Variants in MAPK15 observed in about 807,000 individuals in gnomAD.
MAPK15 encodes mitogen-activated protein kinase 15, also known as ERK-7.
In MAPK15, 61 loss-of-function variants were observed where a neutral mutation model predicts 60.8. The ratio of observed to expected loss-of-function variants is 1.00; its 90% confidence interval spans 0.82 to 1.24. MAPK15 has a LOEUF of 1.24. MAPK15 is among the 50% of genes most tolerant of loss of function. The pLI is 0.00. For synonymous variants in MAPK15, 356 were observed against 319.9 expected (o/e 1.11, Z -1.21); for missense variants, 808 against 741.1 (o/e 1.09, Z -1.05).
intron 7 of MAPK15, among the ~76,000 whole-genome samples, chr8:143,719,766 C>T (rs1376301849): frequency 3.9e-5 from 6 of 152,090 alleles, no homozygotes; most frequent in South Asian, 2.1e-4. Context: ...CCAAGGGATT[C>T]GGGTAGCAGG....
At chr8:143,721,459 T>C (rs782572257) in intron 11 of MAPK15, 48 bp downstream of exon 11, 4 of 1,609,978 alleles carry the variant, frequency 2.5e-6, no homozygotes, top group Non-Finnish European at 2.5e-6. Flanking sequence ...CCCGGGCCCC[T>C]TCTGCCTGTG....
chr8:143,716,662 G>A (rs1817823240), intron 1 of MAPK15, among the ~76,000 whole-genome samples: 1 of 152,190 alleles, frequency 6.6e-6, no homozygotes, highest in Non-Finnish European at 1.5e-5. Context: ...CCTGGAGGCA[G>A]GTGACAGCCA....
At position 143,720,960 on chromosome 8, in the gene MAPK15, T is replaced by C. The variant is rs1372669706; in HGVS notation, c.918-40T>C. On this transcript the variant is annotated intron_variant, in intron 9 of 13. Transcript: ENST00000338033. This position sits in a 1 kb window ranked among gnomAD's most constrained non-coding sequence, Gnocchi z 4.6. ...TGCTGTGACGGCTTGAGGGGCTCCCTTGGCCGCAGCCCGGGCCCCACCTCC... is the reference window on the plus strand; with the variant it reads ...TGCTGTGACGGCTTGAGGGGCTCCCCTGGCCGCAGCCCGGGCCCCACCTCC... 1 of 1,585,238 alleles carries C rather than the reference T, an allele frequency of 6.3e-7. No homozygotes were observed. The highest frequency in any genetic ancestry group is 8.6e-7 in the Non-Finnish European group (1 of 1,165,670).
At position 143,718,965 on chromosome 8, in the gene MAPK15, G is replaced by A. The variant is rs547759819; in HGVS notation, c.418-28G>A. 8.2e-5 allele frequency: 131 copies of A among 1,599,790 alleles called. No homozygotes were observed. The East Asian group carries it at 2.6e-3, about 32-fold the overall frequency. The stretch of plus-strand genomic sequence containing the variant: ...CCGGCTCCCGGCCCCACCCAGCCCC[G>A]GGGCCTCAGCCTGCCTCCTCTCTGC... On this transcript the variant is annotated intron_variant, in intron 5 of 13. Transcript: ENST00000338033.
chr8:143,721,174 A>T (rs1554619703), intron 10 of MAPK15, 57 bp from the exon 11 acceptor site: 4 of 1,589,684 alleles, frequency 2.5e-6, no homozygotes, highest in Admixed American at 1.7e-5. Context: ...TATGTCAGAG[A>T]CCCCCAAACG....
At chr8:143,722,035 CCT>C (rs782041512) in intron 13 of MAPK15, 38 bp from the exon 14 acceptor site, 1 of 1,587,788 alleles carries the variant, frequency 6.3e-7, no homozygotes, top group South Asian at 1.1e-5. Context: ...CACTGCACCC[CCT>C]CTGATGGCCC....
Position 143,720,785 on chromosome 8 carries a change from G to C in MAPK15, c.862G>C (p.Ala288Pro). The C allele has an allele frequency of 6.2e-7, 1 of 1,613,648 alleles. No individual in the cohort carries two copies. Residue 288 changes from alanine (A) to proline (P), a missense_variant, in exon 9 of 14, where the codon GCC becomes CCC. Physicochemically the swap from Ala to Pro is conservative, Grantham distance 27 (BLOSUM62 -1). Coordinates refer to ENST00000338033, the MANE Select transcript of MAPK15 (RefSeq NM_139021.3). The surrounding 1 kb of genome is among the most constrained non-coding windows in gnomAD (Gnocchi z 4.6). ...LDLLRRLLVF[A>P]PDKRLSATQA... Reference sequence around the variant, plus strand: ...CCTCCTTAGGCGACTCCTGGTGTTCGCCCCGGACAAGCGGTTAAGCGCGAC... The same window carrying C: ...CCTCCTTAGGCGACTCCTGGTGTTCCCCCCGGACAAGCGGTTAAGCGCGAC...
In MAPK15 at chr8:143,718,779, T is replaced by A. The variant is rs782161113; in HGVS notation, c.291T>A (p.Thr97=). ...CAGTGCGCACCCTCTCTGCAGACAC[T>A]GACCTGAACGCAGTCATCCGGAAGG... ...DIYLVFEFMD[T]DLNAVIRKGG... is the part of the protein sequence containing the mutation. The change falls in exon 5 of 14, where the codon ACT becomes ACA. Residue 97 remains threonine, a synonymous_variant. Transcript: ENST00000338033. The A allele has an allele frequency of 2.4e-5, 30 of 1,268,970 alleles. No homozygotes were observed. The Admixed American group carries it at 6.5e-4, about 27-fold the overall frequency. The allele number at this position is 1,268,970 out of a possible 1,614,324, so 78.6% of individuals were successfully genotyped here.
Position 143,721,867 on chromosome 8 carries a change from C to T in MAPK15, c.1445C>T (p.Ala482Val), listed in dbSNP as rs782577773. Residue 482 changes from alanine (A) to valine (V), a missense_variant, in exon 13 of 14, where the codon GCC (alanine) becomes GTC (valine). Coordinates refer to ENST00000338033, the MANE Select transcript of MAPK15 (RefSeq NM_139021.3). ...DWNRGGGVRV[A>V]SVQQVPPRLP... ...AACCGGGGCGGTGGGGTGAGGGTGGCCAGCGTACAACAGGTAAGCCCGGCC... is the reference window on the plus strand; with the variant it reads ...AACCGGGGCGGTGGGGTGAGGGTGGTCAGCGTACAACAGGTAAGCCCGGCC... 6.3e-7 allele frequency: 1 copy of T among 1,594,582 alleles called. No homozygotes were observed. The highest frequency in any genetic ancestry group is 8.5e-7 in the Non-Finnish European group (1 of 1,171,696).
At position 143,718,314 on chromosome 8, in the gene MAPK15, C is replaced by T; in HGVS notation, c.286+12C>T. On this transcript the variant is annotated intron_variant, in intron 4 of 13. Coordinates refer to ENST00000338033, the MANE Select transcript of MAPK15 (RefSeq NM_139021.3). ...GTTTGAGTTTATGGGTGAGTGAGGC[C>T]CCGGCCAGCGCCCCAGCCCCACCTC... The T allele has an allele frequency of 6.2e-7, 1 of 1,612,790 alleles. No homozygotes were observed. Among genetic ancestry groups the T allele is most frequent in the Non-Finnish European group, 8.5e-7 (1 of 1,179,238 alleles).
At chr8:143,718,133 A>AC in intron 3 of MAPK15, 57 bp downstream of exon 3, 1 of 1,611,282 alleles carries the variant, frequency 6.2e-7, no homozygotes, top group African/African-American at 1.3e-5. Flanking sequence ...ATCTCTCCAG[A>AC]CAGGAGAGAA....
In MAPK15 at chr8:143,721,764, G is replaced by A. The variant is rs199611064; in HGVS notation, c.1342G>A (p.Gly448Arg). Residue 448 changes from glycine to arginine, a missense_variant, in exon 13 of 14, where the codon GGG becomes AGG. Physicochemically the swap from Gly to Arg is moderately radical, Grantham distance 125. Transcript: ENST00000338033. ...PLTLSLVKPS[G>R]RGAAPSLTSQ... is the part of the protein sequence containing the mutation. ...TGGCCCTTCCCAGGTGAAGCCAAGC[G>A]GGAGGGGAGCTGCGCCCTCCCTGAC... 1.4e-4 allele frequency: 219 copies of A among 1,613,504 alleles called. No individual in the cohort carries two copies. In the African/African-American group the frequency reaches 2.3e-3, roughly 17 times the overall value.
intron 10 of MAPK15, 25 bp downstream of exon 10, chr8:143,721,130 A>G (rs782241822): frequency 1.2e-6 from 2 of 1,605,982 alleles, no homozygotes; most frequent in Non-Finnish European, 1.7e-6. Flanking sequence ...GACCCCTATC[A>G]TCCCCTGTCT....
Position 143,722,171 on chromosome 8 carries a change from G to A in MAPK15, c.1555G>A (p.Gly519Arg), listed in dbSNP as rs2131584309. 3 of 1,610,820 alleles carry A rather than the reference G, an allele frequency of 1.9e-6. No individual in the cohort carries two copies. The highest frequency in any genetic ancestry group is 2.2e-5 in the East Asian group (1 of 44,856). The change falls in exon 14 of 14, where the codon GGA (glycine) becomes AGA (arginine). Residue 519 changes from glycine to arginine, a missense_variant. By Grantham distance (125) the Gly-to-Arg change is moderately radical. Coordinates refer to ENST00000338033, the MANE Select transcript of MAPK15 (RefSeq NM_139021.3). ...CCAGGGGGGTGCCAGGGCTTTGCTTGGAGGCTACTCCCAAGCCTACGGGAC... is the reference window on the plus strand; with the variant it reads ...CCAGGGGGGTGCCAGGGCTTTGCTTAGAGGCTACTCCCAAGCCTACGGGAC... ...GAQGGARALLGGYSQAYGTVC... is the reference protein window; with the variant it reads ...GAQGGARALLRGYSQAYGTVC...
At position 143,720,619 on chromosome 8, in the gene MAPK15, G is replaced by A. The variant is rs1305706523; in HGVS notation, c.780-84G>A. ...AGGACAGCAGGGTGGACCCCAGTTT[G>A]GAAGCTGAGCCCCCAGCCACGAACA... On this transcript the variant is annotated intron_variant, in intron 8 of 13. Coordinates refer to ENST00000338033, the MANE Select transcript of MAPK15 (RefSeq NM_139021.3). The surrounding 1 kb of genome is among the most constrained non-coding windows in gnomAD (Gnocchi z 4.6). The A allele has an allele frequency of 2.0e-6, 3 of 1,529,654 alleles. No individual in the cohort carries two copies. Among genetic ancestry groups the A allele is most frequent in the Non-Finnish European group, 2.6e-6 (3 of 1,135,660 alleles). The allele number at this position is 1,529,654 out of a possible 1,614,324, so 94.8% of individuals were successfully genotyped here. A position where few individuals can be genotyped will look rare whatever the true frequency, so the allele number is the denominator to read the frequency against.
chr8:143,719,485 G>A lies in MAPK15; in HGVS notation c.721+3G>A. The A allele has an allele frequency of 6.2e-7, 1 of 1,605,296 alleles. No individual in the cohort carries two copies. Among genetic ancestry groups the A allele is most frequent in the Non-Finnish European group, 8.5e-7 (1 of 1,177,536 alleles). On this transcript the variant is annotated splice_donor_region_variant and intron_variant, in intron 7 of 13. Transcript: ENST00000338033. ...CATCCCACCGCCATCTGAGGAGGGT[G>A]AGCCAGGCTGCTGGGGCTGGGCACC...
chr8:143,716,562 T>TACGGAGGAGGCAGGACG, intron 1 of MAPK15, 119 bp downstream of exon 1: 1 of 858,022 alleles, frequency 1.2e-6, no homozygotes, highest in Non-Finnish European at 1.7e-6. Context: ...GCGTCCTGCC[T>TACGGAGGAGGCAGGACG]CCTCCGTAGG....
chr8:143,718,451 G>C, intron 4 of MAPK15, 149 bp downstream of exon 4: 1 of 759,466 alleles, frequency 1.3e-6, no homozygotes, highest in Non-Finnish European at 2.2e-6. Context: ...CTCAGGGACA[G>C]ACAGCTGACT....
In MAPK15 at chr8:143,722,120, T is replaced by A. The variant is rs1818107395; in HGVS notation, c.1504T>A (p.Phe502Ile). The A allele has an allele frequency of 6.2e-7, 1 of 1,612,544 alleles. No individual in the cohort carries two copies. Among genetic ancestry groups the A allele is most frequent in the Non-Finnish European group, 8.5e-7 (1 of 1,179,818 alleles). The change falls in exon 14 of 14, where the codon TTC (phenylalanine) becomes ATC (isoleucine). Residue 502 changes from phenylalanine to isoleucine, a missense_variant. Phe to Ile is a conservative substitution (Grantham distance 21, BLOSUM62 0). Transcript: ENST00000338033. ...GGAGGCCCGGCCCGGCCGGAGGATG[T>A]TCAGCACCTCTGCCTTGCAGGGTGC... The part of the protein sequence containing the change: ...PPEARPGRRM[F>I]STSALQGAQG...
Sources: gnomAD v4.1 joint callset for allele counts (sites outside exome capture counted in the v4.1 genomes callset) on GRCh38, gnomAD v4.1.1 for gene constraint, Gnocchi (gnomAD v3.1) non-coding constraint, MANE v1.5 for transcripts, NCBI Gene and HGNC (gene_info 2026-07-23, HGNC 2026-07-21) for gene names.